RBMS3: variants seen among roughly 807,000 people sequenced by gnomAD.
The protein encoded by RBMS3 is RNA-binding motif, single-stranded-interacting protein 3.
RBMS3 carries 27 observed loss-of-function variants against 66.8 expected under a neutral mutation model. That is an observed-to-expected ratio of 0.40 (90% confidence interval 0.30 to 0.56). RBMS3 has a LOEUF of 0.56. RBMS3 is among the 20% of genes least tolerant of loss of function. The pLI, the probability that RBMS3 is intolerant of heterozygous loss-of-function variation, is 0.40. For missense variants in RBMS3, 513 were observed against 549.5 expected (o/e 0.93, Z 0.66); for synonymous variants, 188 against 183.0 (o/e 1.03, Z -0.22).
At chr3:29,308,068 T>C (rs1197536247) in intron 1 of RBMS3, among the ~76,000 whole-genome samples, 1 of 151,916 alleles carries the variant, frequency 6.6e-6, no homozygotes, top group Non-Finnish European at 1.5e-5. Flanking sequence ...AAACCCAAGT[T>C]GTTTTTTGTT....
chr3:29,838,639 G>A (rs1394002853), intron 6 of RBMS3, among the ~76,000 whole-genome samples: 3 of 152,018 alleles, frequency 2.0e-5, no homozygotes, highest in Non-Finnish European at 2.9e-5. Flanking sequence ...CACATTTAAC[G>A]CTGGAGGGTT....
At chr3:29,298,531 TCA>T (rs1448699946) in intron 1 of RBMS3, among the ~76,000 whole-genome samples, 7 of 151,934 alleles carry the variant, frequency 4.6e-5, no homozygotes, top group Non-Finnish European at 1.0e-4. Flanking sequence ...TGTTTCACTT[TCA>T]ATTATAAAGA....
At chr3:29,620,706 A>AG (rs2048836008) in intron 4 of RBMS3, among the ~76,000 whole-genome samples, 1 of 151,960 alleles carries the variant, frequency 6.6e-6, no homozygotes, top group Admixed American at 6.6e-5. Flanking sequence ...TCACTTACAG[A>AG]GAAAAAAAAA....
At chr3:29,357,394 C>T (rs2037289919) in intron 1 of RBMS3, among the ~76,000 whole-genome samples, 1 of 152,158 alleles carries the variant, frequency 6.6e-6, no homozygotes, top group Non-Finnish European at 1.5e-5. Flanking sequence ...TTTTTTATAG[C>T]AGCAAAGTAT....
At chr3:29,861,785 A>G (rs2059223264) in intron 6 of RBMS3, among the ~76,000 whole-genome samples, 1 of 152,240 alleles carries the variant, frequency 6.6e-6, no homozygotes, top group Non-Finnish European at 1.5e-5. Flanking sequence ...TTGGAAGACT[A>G]GAAATACTCC....
chr3:29,559,335 G>A (rs963841016), intron 3 of RBMS3, among the ~76,000 whole-genome samples: 6 of 151,298 alleles, frequency 4.0e-5, no homozygotes, highest in African/African-American at 1.5e-4. Context: ...TTCTGTTATT[G>A]CACCATAAAA....
rs774636420 is a variant in RBMS3, at chr3:30,007,933, A to C, written c.*4071A>C. 5.3e-5 allele frequency: 8 copies of C among 152,038 alleles called. No homozygotes were observed. The highest frequency in any genetic ancestry group is 2.1e-4 in the South Asian group (1 of 4,826). The allele number at this position is 152,038 out of a possible 1,614,324, so 9.4% of individuals were successfully genotyped here. ...ATGGTGTTAAAAGCACTCTCATTAG[A>C]AATATAAGGCTGAGAACTGAAGAAG... On this transcript the variant is annotated 3_prime_UTR_variant, in exon 15 of 15. Transcript: ENST00000383767.
intron 6 of RBMS3, among the ~76,000 whole-genome samples, chr3:29,784,159 G>A (rs1306866192): frequency 2.0e-5 from 3 of 151,958 alleles, no homozygotes; most frequent in Non-Finnish European, 4.4e-5. Flanking sequence ...AGTCAACAAA[G>A]AAACAATGGA....
At chr3:29,590,091 T>C (rs2047673743) in intron 4 of RBMS3, among the ~76,000 whole-genome samples, 1 of 85,728 alleles carries the variant, frequency 1.2e-5, no homozygotes, top group South Asian at 3.1e-4. Context: ...AGTTTATTTA[T>C]TTTTTTTTGG....
At chr3:29,832,687 C>T (rs2058404105) in intron 6 of RBMS3, among the ~76,000 whole-genome samples, 1 of 152,166 alleles carries the variant, frequency 6.6e-6, no homozygotes, top group South Asian at 2.1e-4. Context: ...ACCCAGGATA[C>T]TGAGGTAATT....
intron 4 of RBMS3, among the ~76,000 whole-genome samples, chr3:29,654,647 G>A (rs1339582908): frequency 6.6e-6 from 1 of 150,994 alleles, no homozygotes; most frequent in South Asian, 2.1e-4. Flanking sequence ...CTGGAGTGCC[G>A]TGGTGCAATC....
At chr3:29,413,822 A>T (rs1002891) in intron 1 of RBMS3, among the ~76,000 whole-genome samples, 75,092 of 152,010 alleles carry the variant, frequency 0.49, 21,074 homozygotes, top group African/African-American at 0.77. Context: ...AACTGAGTAG[A>T]TCCTGTATGA....
At chr3:29,568,645 A>G (rs1387718504) in intron 3 of RBMS3, among the ~76,000 whole-genome samples, 1 of 152,190 alleles carries the variant, frequency 6.6e-6, no homozygotes, top group Non-Finnish European at 1.5e-5. Flanking sequence ...CATTGCTATC[A>G]AATAGTGGAG....
At chr3:29,342,251 G>T (rs1398252953) in intron 1 of RBMS3, among the ~76,000 whole-genome samples, 1 of 152,130 alleles carries the variant, frequency 6.6e-6, no homozygotes, top group Admixed American at 6.5e-5. Flanking sequence ...CATCCGAGGA[G>T]ATTTGAGACC....
chr3:29,365,242 A>C (rs546184037), intron 1 of RBMS3, among the ~76,000 whole-genome samples: 62 of 152,202 alleles, frequency 4.1e-4, no homozygotes, highest in African/African-American at 1.3e-3. Context: ...ATTTGTGGGA[A>C]AGCCTTCAGA....
At chr3:29,541,300 G>A (rs1181272126) in intron 3 of RBMS3, among the ~76,000 whole-genome samples, 2 of 143,354 alleles carry the variant, frequency 1.4e-5, no homozygotes, top group African/African-American at 5.3e-5. Context: ...GGCCTAACAA[G>A]CCAAAACCCA....
At chr3:29,891,161 C>A (rs2059992975) in intron 8 of RBMS3, among the ~76,000 whole-genome samples, 1 of 151,514 alleles carries the variant, frequency 6.6e-6, no homozygotes, top group Non-Finnish European at 1.5e-5. Context: ...TATCTCATAA[C>A]CTTCACATTA....
chr3:29,708,903 A>G (rs1316893849), intron 4 of RBMS3, among the ~76,000 whole-genome samples: 2 of 152,148 alleles, frequency 1.3e-5, no homozygotes, highest in Non-Finnish European at 2.9e-5. Context: ...GAATTTTCTG[A>G]GTTGCAGGAA....
chr3:29,560,457 G>A (rs2046510654), intron 3 of RBMS3, among the ~76,000 whole-genome samples: 1 of 152,172 alleles, frequency 6.6e-6, no homozygotes, highest in African/African-American at 2.4e-5. Flanking sequence ...TAAACAGCAT[G>A]CTTCCCAGCA....
Sources: gnomAD v4.1 joint callset for allele counts (sites outside exome capture counted in the v4.1 genomes callset) on GRCh38, gnomAD v4.1.1 for gene constraint, MANE v1.5 for transcripts, NCBI Gene and HGNC (gene_info 2026-07-23, HGNC 2026-07-21) for gene names.